The following MDFIC2 variants were observed in gnomAD, a reference collection of about 807,000 sequenced individuals.
MDFIC2 encodes the protein MyoD family inhibitor domain containing 2.
Position 70,244,130 on chromosome 3 carries a change from A to C in MDFIC2, c.89-37340T>G, listed in dbSNP as rs1190892212. On this transcript the variant is annotated intron_variant, in intron 2 of 3. Coordinates refer to ENST00000567252, the MANE Select transcript of MDFIC2 (RefSeq NM_001364677.1). The stretch of plus-strand genomic sequence containing the variant: ...CCCCCACTGGTTTTCTTTGGCTCAA[A>C]TGGGAACAAGGTGCCCATTATTTCT... Among the ~76,000 whole-genome samples, 3 of 152,160 alleles carry C rather than the reference A, an allele frequency of 2.0e-5. No individual in the cohort carries two copies. In the East Asian group the frequency reaches 5.8e-4, roughly 29 times the overall value.
chr3:70,280,947 C>T (rs912298492), intron 2 of MDFIC2, among the ~76,000 whole-genome samples: 6 of 152,116 alleles, frequency 3.9e-5, no homozygotes, highest in East Asian at 1.9e-4. Flanking sequence ...TCATATCATA[C>T]CCTTTTTGTG....
intron 2 of MDFIC2, among the ~76,000 whole-genome samples, chr3:70,276,428 C>A (rs1319162333): frequency 3.3e-5 from 5 of 152,150 alleles, no homozygotes; most frequent in Admixed American, 2.6e-4. Flanking sequence ...ATACCCATAA[C>A]AAATCTTTGC....
chr3:70,288,758 A>C (rs1312752894), intron 2 of MDFIC2, among the ~76,000 whole-genome samples: 2 of 151,804 alleles, frequency 1.3e-5, no homozygotes, highest in African/African-American at 4.8e-5. Context: ...TTGGGTGCAT[A>C]TATATTTAGG....
intron 3 of MDFIC2, among the ~76,000 whole-genome samples, chr3:70,199,148 A>G (rs1701209849): frequency 6.6e-6 from 1 of 152,148 alleles, no homozygotes; most frequent in Non-Finnish European, 1.5e-5. Flanking sequence ...TCCTTTATAC[A>G]TGCAAGGTTA....
At chr3:70,297,672 A>G (rs1485847208) in intron 2 of MDFIC2, among the ~76,000 whole-genome samples, 3 of 152,076 alleles carry the variant, frequency 2.0e-5, no homozygotes, top group Non-Finnish European at 4.4e-5. Context: ...TAAAACGAGG[A>G]GTTAAAATAT....
intron 2 of MDFIC2, among the ~76,000 whole-genome samples, chr3:70,222,857 A>G (rs1701473126): frequency 1.3e-5 from 2 of 152,184 alleles, no homozygotes. Flanking sequence ...TTTTAAAGGA[A>G]TGCTATTTGC....
rs148040526 is a variant in MDFIC2, at chr3:70,208,705, G to A, written c.89-1915C>T. Among the ~76,000 whole-genome samples the A allele has an allele frequency of 3.3e-4, 50 of 152,152 alleles. No homozygotes were observed. The East Asian group carries it at 3.9e-3, about 12-fold the overall frequency. On this transcript the variant is annotated intron_variant, in intron 2 of 3. Transcript: ENST00000567252. ...CTGACTTGTGCATCAGTGATTTTCA[G>A]AAACCAATCTTAAGATGGTTGCTTT...
intron 2 of MDFIC2, 113 bp from the exon 3 acceptor site, chr3:70,206,903 A>G: frequency 2.5e-6 from 1 of 395,112 alleles, no homozygotes; most frequent in Non-Finnish European, 4.5e-6. Context: ...AAGTCTTAAG[A>G]AAACAAATGA....
At chr3:70,224,259 A>T (rs373289169) in intron 2 of MDFIC2, among the ~76,000 whole-genome samples, 8 of 152,286 alleles carry the variant, frequency 5.3e-5, no homozygotes, top group Admixed American at 3.3e-4. Context: ...CATGCACCTG[A>T]CATGTTGCAC....
chr3:70,236,256 A>G (rs1191462018), intron 2 of MDFIC2, among the ~76,000 whole-genome samples: 1 of 152,216 alleles, frequency 6.6e-6, no homozygotes, highest in African/African-American at 2.4e-5. Flanking sequence ...ACTTCCCAAA[A>G]TAACTTTTCC....
chr3:70,214,414 C>T (rs946718977), intron 2 of MDFIC2, among the ~76,000 whole-genome samples: 4 of 151,918 alleles, frequency 2.6e-5, no homozygotes, highest in Admixed American at 1.3e-4. Flanking sequence ...TTCAATCAGG[C>T]TTGGTAAATC....
intron 2 of MDFIC2, among the ~76,000 whole-genome samples, chr3:70,228,044 C>T (rs986407337): frequency 1.3e-5 from 2 of 151,138 alleles, no homozygotes; most frequent in African/African-American, 4.9e-5. Flanking sequence ...AAATAATATC[C>T]AACAGAGAAT....
Position 70,211,703 on chromosome 3 carries a change from GCCCTT to G in MDFIC2, c.89-4918_89-4914del, listed in dbSNP as rs529662488. The stretch of plus-strand genomic sequence containing the variant: ...CCTTCCTTTCCCTTCCCTTCCCTTT[GCCCTT>G]CCCTTCCCTTCCTTTCCTTTCTCTT... On this transcript the variant is annotated intron_variant, in intron 2 of 3. Transcript: ENST00000567252. Among the ~76,000 whole-genome samples, 703 of 105,154 alleles carry G rather than the reference GCCCTT, an allele frequency of 6.7e-3. 6 individuals are homozygous for G. Among genetic ancestry groups the G allele is most frequent in the African/African-American group, 0.025 (669 of 26,794 alleles). 69.0% of individuals were successfully genotyped at this position (105,154 alleles called of 152,430 possible).
chr3:70,231,032 AC>A (rs1436198816), intron 2 of MDFIC2, among the ~76,000 whole-genome samples: 2 of 152,198 alleles, frequency 1.3e-5, no homozygotes, highest in African/African-American at 2.4e-5. Flanking sequence ...ATCGTGTCTT[AC>A]CATCGCTCTG....
chr3:70,206,750 G>C lies in MDFIC2; in HGVS notation c.129C>G (p.Pro43=), dbSNP rs1701294994. 2 of 397,646 alleles carry C rather than the reference G, an allele frequency of 5.0e-6. No homozygotes were observed. Among genetic ancestry groups the C allele is most frequent in the Non-Finnish European group, 8.9e-6 (2 of 225,516 alleles). 24.6% of individuals were successfully genotyped at this position (397,646 alleles called of 1,614,324 possible). A position where few individuals can be genotyped will look rare whatever the true frequency, so the allele number is the denominator to read the frequency against. The change falls in exon 3 of 4, where the codon CCC becomes CCG. Residue 43 remains proline, a synonymous_variant. Transcript: ENST00000567252. The part of the protein sequence containing the change: ...LTNAKHADEK[P]INAIVINSVS... ...CTGAATTTATAACAATAGCATTAAT[G>C]GGTTTCTCATCTGCATGCTTTGCAT...
intron 2 of MDFIC2, chr3:70,272,405 A>G (rs1269381672): frequency 6.6e-6 from 1 of 152,132 alleles, no homozygotes; most frequent in African/African-American, 2.4e-5. Flanking sequence ...GCTCAATATA[A>G]TGCTTTTGAG....
intron 2 of MDFIC2, among the ~76,000 whole-genome samples, chr3:70,231,059 C>T (rs938694519): frequency 6.6e-6 from 1 of 152,180 alleles, no homozygotes; most frequent in East Asian, 1.9e-4. Flanking sequence ...GCAACAAATG[C>T]TTTTCTACCA....
chr3:70,259,216 C>A (rs763209106), intron 2 of MDFIC2, among the ~76,000 whole-genome samples: 1 of 152,122 alleles, frequency 6.6e-6, no homozygotes, highest in Admixed American at 6.6e-5. Flanking sequence ...ACATTCTATT[C>A]ATAGTCTATG....
intron 2 of MDFIC2, among the ~76,000 whole-genome samples, chr3:70,263,539 ATGTT>A (rs1035824702): frequency 2.6e-5 from 4 of 152,102 alleles, no homozygotes; most frequent in Non-Finnish European, 5.9e-5. Flanking sequence ...TCTCTGGAAA[ATGTT>A]TGGTTGACAG....
Sources: gnomAD v4.1 joint callset for allele counts (sites outside exome capture counted in the v4.1 genomes callset) on GRCh38, gnomAD v4.1.1 for gene constraint, MANE v1.5 for transcripts, NCBI Gene and HGNC (gene_info 2026-07-23, HGNC 2026-07-21) for gene names.